Variants in SMARCD3 observed in about 807,000 individuals in gnomAD.
SMARCD3 encodes SWI/SNF-related matrix-associated actin-dependent regulator of chromatin subfamily D member 3.
Under a neutral mutation model 58.0 loss-of-function variants are expected in SMARCD3, and 14 were observed. The ratio of observed to expected loss-of-function variants is 0.24; its 90% CI spans 0.16 to 0.38. The LOEUF (loss-of-function observed/expected upper bound fraction) is 0.38, where lower values mean the gene tolerates loss of function less well. SMARCD3 is among the 10% of genes least tolerant of loss of function. SMARCD3 has a pLI of 1.00. For missense variants in SMARCD3, 408 were observed against 636.9 expected, an observed-to-expected ratio of 0.64 and a Z score of 3.87; for synonymous variants, 253 against 253.8, an observed-to-expected ratio of 1.00 and a Z score of 0.03.
chr7:151,243,546 AAAC>A lies in SMARCD3; in HGVS notation c.333+110_333+112del, dbSNP rs1584868962. On this transcript the variant is annotated intron_variant, in intron 3 of 12. Transcript: ENST00000262188. This position sits in a 1 kb window ranked among gnomAD's most constrained non-coding sequence, Gnocchi z 4.4. ...GCCTCACTTATTAATGAGCTTTTTT[AAAC>A]AAAAAGTGAAAGTGACTGTGATGCT... 3 of 724,654 alleles carry A rather than the reference AAAC, an allele frequency of 4.1e-6. No homozygotes were observed. In the East Asian group the frequency reaches 7.8e-5, roughly 19 times the overall value. 44.9% of individuals were successfully genotyped at this position (724,654 alleles called of 1,614,324 possible).
chr7:151,239,214 A>G lies in SMARCD3; in HGVS notation c.1399-58T>C, dbSNP rs1802821160. 1.2e-5 allele frequency: 19 copies of G among 1,558,440 alleles called. No homozygotes were observed. Among genetic ancestry groups the G allele is most frequent in the Middle Eastern group, 3.4e-4 (2 of 5,956 alleles). ...AGTGTTCTGGTGAGTGATCAGGACA[A>G]TCCCACCTACTGACACCGCCTGCCC... On this transcript the variant is annotated intron_variant, in intron 12 of 12. Transcript: ENST00000262188. This position sits in a 1 kb window ranked among gnomAD's most constrained non-coding sequence, Gnocchi z 7.0.
rs763768819 is a variant in SMARCD3, at chr7:151,241,525, C to T, written c.906G>A (p.Lys302=). The change falls in exon 8 of 13, where the codon AAG becomes AAA. Residue 302 remains lysine (K), a synonymous_variant. Transcript: ENST00000262188. This position sits in a 1 kb window ranked among gnomAD's most constrained non-coding sequence, Gnocchi z 5.3. ...AATACTTGTCCCCATTGATGTATTC[C>T]TTGTCATGGGAGTCCTGCAGCCTGT... ...KTNRLQDSHD[K]EYINGDKYFQ... 1.9e-6 allele frequency: 3 copies of T among 1,612,382 alleles called. No homozygotes were observed. Among genetic ancestry groups the T allele is most frequent in the South Asian group, 2.2e-5 (2 of 90,528 alleles).
Position 151,239,619 on chromosome 7 carries a change from T to C in SMARCD3, c.1296+5A>G, listed in dbSNP as rs754013415. 33 of 1,613,950 alleles carry C rather than the reference T, an allele frequency of 2.0e-5. No homozygotes were observed. Among genetic ancestry groups the C allele is most frequent in the East Asian group, 1.1e-4 (5 of 44,876 alleles). On this transcript the variant is annotated splice_donor_5th_base_variant and intron_variant, in intron 11 of 12. Transcript: ENST00000262188. The surrounding 1 kb of genome is among the most constrained non-coding windows in gnomAD (Gnocchi z 7.0). The stretch of plus-strand genomic sequence containing the variant: ...CTCCAGTACTCCCTGAGTCTCCCTC[T>C]TCACCTTGAGGTCCCGGCTCTGGGA...
Position 151,241,621 on chromosome 7 carries a change from G to C in SMARCD3, c.810C>G (p.Ala270=), listed in dbSNP as rs776641056. The change falls in exon 8 of 13, where the codon GCC becomes GCG. Residue 270 remains alanine, a synonymous_variant. Coordinates refer to ENST00000262188, the MANE Select transcript of SMARCD3 (RefSeq NM_001003801.2). The surrounding 1 kb of genome is among the most constrained non-coding windows in gnomAD (Gnocchi z 5.3). ...TCTGTGTGTGCAGCCCCAGCAGCCG[G>C]GCTAGGCGGGGATCCAGTTTGAACT... is the stretch of plus-strand genomic sequence containing the variant. The part of the protein sequence containing the change: ...PPQFKLDPRL[A]RLLGLHTQSR... 1 of 1,611,598 alleles carries C rather than the reference G, an allele frequency of 6.2e-7. No individual in the cohort carries two copies. The highest frequency in any genetic ancestry group is 2.2e-5 in the East Asian group (1 of 44,842).
chr7:151,268,194 C>G (rs1795056527), intron 2 of SMARCD3, among the ~76,000 whole-genome samples: 1 of 152,198 alleles, frequency 6.6e-6, no homozygotes, highest in Admixed American at 6.5e-5. Context: ...GTCCTAAACA[C>G]TTTAATTAGG....
intron 2 of SMARCD3, among the ~76,000 whole-genome samples, chr7:151,268,815 G>C (rs1309736680): frequency 6.6e-6 from 1 of 151,844 alleles, no homozygotes; most frequent in Non-Finnish European, 1.5e-5. Flanking sequence ...TGTTGCCCAG[G>C]CTGGTCTTGA....
chr7:151,248,738 ACGCCGCCGCCGCCCGCC>A (rs1030030416), upstream of SMARCD3: 32 of 1,169,802 alleles, frequency 2.7e-5, 1 homozygote, highest in Non-Finnish European at 1.9e-5. This position sits in a 1 kb window ranked among gnomAD's most constrained non-coding sequence, Gnocchi z 6.1. Flanking sequence ...CCCACGGCCC[ACGCCGCCGCCGCCCGCC>A]CGCCGCCGCC....
rs1803074897 is a variant in SMARCD3, at chr7:151,242,965, C to T, written c.334-122G>A. The T allele has an allele frequency of 8.0e-7, 1 of 1,245,918 alleles. No homozygotes were observed. The highest frequency in any genetic ancestry group is 1.5e-5 in the African/African-American group (1 of 66,824). 77.2% of individuals were successfully genotyped at this position (1,245,918 alleles called of 1,614,324 possible). ...TCAGGGGAGCCATCCTACTTTTGGG[C>T]ATGTAGCTTTGACAGTGGGAACAGG... On this transcript the variant is annotated intron_variant, in intron 3 of 12. Coordinates refer to ENST00000262188, the MANE Select transcript of SMARCD3 (RefSeq NM_001003801.2). This position sits in a 1 kb window ranked among gnomAD's most constrained non-coding sequence, Gnocchi z 4.7.
At position 151,241,540 on chromosome 7, in the gene SMARCD3, C is replaced by T. The variant is rs756774562; in HGVS notation, c.891G>A (p.Gln297=). Reference sequence around the variant, plus strand: ...TGATGTATTCCTTGTCATGGGAGTCCTGCAGCCTGTTGGTCTTCACATACT... The same window carrying T: ...TGATGTATTCCTTGTCATGGGAGTCTTGCAGCCTGTTGGTCTTCACATACT... ...LWQYVKTNRL[Q]DSHDKEYING... The change falls in exon 8 of 13, where the codon CAG becomes CAA. Residue 297 remains glutamine (Q), a synonymous_variant. Transcript: ENST00000262188. The surrounding 1 kb of genome is among the most constrained non-coding windows in gnomAD (Gnocchi z 5.3). 3.1e-6 allele frequency: 5 copies of T among 1,611,926 alleles called. No individual in the cohort carries two copies. In the African/African-American group the frequency reaches 6.7e-5, roughly 22 times the overall value.
intron 2 of SMARCD3, among the ~76,000 whole-genome samples, chr7:151,256,180 C>CTT (rs79100193): frequency 2.2e-4 from 31 of 141,244 alleles, no homozygotes; most frequent in African/African-American, 7.8e-4. Flanking sequence ...CTGCGCCTGG[C>CTT]TTTTTTTTTT....
Position 151,242,505 on chromosome 7 carries a change from C to A in SMARCD3, c.555G>T (p.Arg185=). The stretch of plus-strand genomic sequence containing the variant: ...CATCATCCAGGAGCTTCCCCTCCAC[C>A]CGTAGCTCCCAGGAGGCAATGCTGC... The part of the protein sequence containing the change: ...SDGSIASWEL[R]VEGKLLDDPS... The change falls in exon 5 of 13, where the codon CGG becomes CGT. Residue 185 remains arginine (R), a synonymous_variant. Transcript: ENST00000262188. The surrounding 1 kb of genome is among the most constrained non-coding windows in gnomAD (Gnocchi z 4.7). 5.0e-6 allele frequency: 8 copies of A among 1,613,972 alleles called. No homozygotes were observed. The highest frequency in any genetic ancestry group is 6.8e-6 in the Non-Finnish European group (8 of 1,180,010).
At chr7:151,249,619 G>A (rs555845440), upstream of SMARCD3, among the ~76,000 whole-genome samples, 81 of 147,742 alleles carry the variant, frequency 5.5e-4, no homozygotes, top group African/African-American at 1.8e-3. The surrounding 1 kb of genome is among the most constrained non-coding windows in gnomAD (Gnocchi z 4.8). Context: ...TGCGTGGAGA[G>A]AACGAGGCAA....
chr7:151,259,221 G>A (rs190172777), intron 2 of SMARCD3, among the ~76,000 whole-genome samples: 2,117 of 151,592 alleles, frequency 0.014, 36 homozygotes, highest in African/African-American at 0.048. Flanking sequence ...GCGTGGTGGC[G>A]GGCACCTGTA....
At chr7:151,263,213 A>T (rs1397443281) in intron 2 of SMARCD3, among the ~76,000 whole-genome samples, 4 of 151,982 alleles carry the variant, frequency 2.6e-5, no homozygotes, top group Admixed American at 2.6e-4. Flanking sequence ...GGCAGACTTG[A>T]TGGGAAGAAG....
At chr7:151,244,279 T>A (rs2150594001) in intron 2 of SMARCD3, among the ~76,000 whole-genome samples, 1 of 151,996 alleles carries the variant, frequency 6.6e-6, no homozygotes, top group East Asian at 1.9e-4. Context: ...GGCAACAGGG[T>A]GAGGGACATG....
Position 151,241,163 on chromosome 7 carries a change from C to G in SMARCD3, c.939+329G>C. ...AGGTTCAGAATCGCTGAGTCACTTA[C>G]CCAGAGTCCAGACTCAGGACTAGAA... On this transcript the variant is annotated intron_variant, in intron 8 of 12. Coordinates refer to ENST00000262188, the MANE Select transcript of SMARCD3 (RefSeq NM_001003801.2). The surrounding 1 kb of genome is among the most constrained non-coding windows in gnomAD (Gnocchi z 5.3). The G allele has an allele frequency of 2.6e-6, 1 of 387,552 alleles. No homozygotes were observed. 24.0% of individuals were successfully genotyped at this position (387,552 alleles called of 1,614,324 possible).
intron 2 of SMARCD3, among the ~76,000 whole-genome samples, chr7:151,258,837 A>G (rs750233867): frequency 2.6e-5 from 4 of 151,976 alleles, no homozygotes; most frequent in African/African-American, 9.7e-5. Flanking sequence ...TCCTCTGGCA[A>G]TCTACATGGC....
chr7:151,244,231 G>A (rs1311805717), intron 2 of SMARCD3, among the ~76,000 whole-genome samples: 3 of 150,358 alleles, frequency 2.0e-5, no homozygotes, highest in African/African-American at 2.5e-5. Flanking sequence ...GGAAGAGAAC[G>A]CTGATGGGCT....
In SMARCD3 at chr7:151,244,416, A is replaced by C. The variant is rs535000991; in HGVS notation, c.291-715T>G. ...CCCACTAGCTGCTTCTAACTAACCCAAAAACCCCCAGAAAAACCTTGGCGG... is the reference window on the plus strand; with the variant it reads ...CCCACTAGCTGCTTCTAACTAACCCCAAAACCCCCAGAAAAACCTTGGCGG... On this transcript the variant is annotated intron_variant, in intron 2 of 12. Transcript: ENST00000262188. 1.1e-4 allele frequency among the ~76,000 whole-genome samples: 17 copies of C among 152,302 alleles called. No individual in the cohort carries two copies. The South Asian group carries it at 3.1e-3, about 28-fold the overall frequency.
Sources: allele counts gnomAD v4.1 joint callset (sites outside exome capture counted in the v4.1 genomes callset), GRCh38; gene constraint gnomAD v4.1.1; non-coding constraint Gnocchi (gnomAD v3.1); transcripts MANE v1.5; gene names NCBI Gene and HGNC (gene_info 2026-07-23, HGNC 2026-07-21).